Variants in ROBO1 observed in about 807,000 individuals in gnomAD.
ROBO1 encodes roundabout guidance receptor 1, also known as roundabout homolog 1.
In ROBO1, 149 loss-of-function variants were observed where a neutral mutation model predicts 195.9. That is an observed-to-expected ratio of 0.76 (90% CI 0.67 to 0.87). The LOEUF (loss-of-function observed/expected upper bound fraction) is 0.87, where lower values mean the gene tolerates loss of function less well. Among genes scored for constraint, ROBO1 ranks in the 40% least tolerant of loss-of-function variants. The pLI is 0.00. For synonymous variants in ROBO1, 816 were observed against 733.2 expected (o/e 1.11, Z -1.82); for missense variants, 1,933 against 2,068.3 (o/e 0.93, Z 1.27).
At chr3:79,402,902 CAGT>C (rs2037416259) in intron 2 of ROBO1, among the ~76,000 whole-genome samples, 1 of 151,836 alleles carries the variant, frequency 6.6e-6, no homozygotes, top group Admixed American at 6.6e-5. Context: ...ATTTCTTTAG[CAGT>C]GAATGGTGAA....
At chr3:79,364,056 T>TG (rs2035869877) in intron 2 of ROBO1, among the ~76,000 whole-genome samples, 1 of 151,654 alleles carries the variant, frequency 6.6e-6, no homozygotes, top group African/African-American at 2.4e-5. Flanking sequence ...TACAAAAAAT[T>TG]GGCCAGGCGT....
intron 28 of ROBO1, among the ~76,000 whole-genome samples, chr3:78,608,564 A>G (rs1703606518): frequency 2.6e-5 from 4 of 152,212 alleles, no homozygotes; most frequent in Admixed American, 6.5e-5. Flanking sequence ...AATTTAGTAG[A>G]AGAATAAGAG....
intron 8 of ROBO1, among the ~76,000 whole-genome samples, chr3:78,706,776 G>C (rs114770195): frequency 1.3e-5 from 2 of 152,168 alleles, no homozygotes; most frequent in Admixed American, 1.3e-4. Flanking sequence ...AAGAAGGCAA[G>C]GGAGGTGGTG....
intron 1 of ROBO1, among the ~76,000 whole-genome samples, chr3:79,750,628 T>C (rs894257034): frequency 6.6e-6 from 1 of 152,204 alleles, no homozygotes; most frequent in African/African-American, 2.4e-5. Context: ...TCTCCTGAGA[T>C]CTGATGGCTT....
chr3:78,770,669 G>A (rs1177680191), intron 4 of ROBO1, among the ~76,000 whole-genome samples: 2 of 152,124 alleles, frequency 1.3e-5, no homozygotes, highest in Non-Finnish European at 2.9e-5. Context: ...TGTTGCACTT[G>A]CTTTTGAGGA....
At chr3:79,049,183 C>T (rs1023985579) in intron 3 of ROBO1, among the ~76,000 whole-genome samples, 1 of 152,052 alleles carries the variant, frequency 6.6e-6, no homozygotes, top group African/African-American at 2.4e-5. Context: ...CTAGAATAAG[C>T]AGTGTAGAGA....
intron 4 of ROBO1, among the ~76,000 whole-genome samples, chr3:78,822,834 T>C (rs1249808435): frequency 6.6e-6 from 1 of 152,220 alleles, no homozygotes; most frequent in Non-Finnish European, 1.5e-5. Context: ...TAGAATATAC[T>C]TTATTCATGC....
chr3:79,163,676 T>C (rs1008227538), intron 2 of ROBO1, among the ~76,000 whole-genome samples: 1 of 152,148 alleles, frequency 6.6e-6, no homozygotes, highest in Non-Finnish European at 1.5e-5. Flanking sequence ...TCTGCATCCT[T>C]GCCAACACTT....
chr3:79,162,399 G>A (rs2080985095), intron 2 of ROBO1, among the ~76,000 whole-genome samples: 1 of 152,090 alleles, frequency 6.6e-6, no homozygotes, highest in Admixed American at 6.6e-5. Flanking sequence ...CCTACATGTG[G>A]TAAGGAAATA....
chr3:79,079,877 G>A (rs553222169), intron 3 of ROBO1, among the ~76,000 whole-genome samples: 1 of 151,746 alleles, frequency 6.6e-6, no homozygotes, highest in African/African-American at 2.4e-5. Flanking sequence ...CTTAAAGAAT[G>A]GTCAGAACTG....
intron 1 of ROBO1, among the ~76,000 whole-genome samples, chr3:79,614,829 T>G (rs541492792): frequency 0.02 from 2,983 of 151,946 alleles, 108 homozygotes; most frequent in African/African-American, 0.069. Context: ...ATTAAAAATA[T>G]AAATAAAGAG....
rs550526568 is a variant in ROBO1, at chr3:79,665,894, T to A, written c.-50-75933A>T. 5.3e-5 allele frequency among the ~76,000 whole-genome samples: 8 copies of A among 152,008 alleles called. No individual in the cohort carries two copies. In the South Asian group the frequency reaches 8.3e-4, roughly 16 times the overall value. Reference sequence around the variant, plus strand: ...AGGAGTAGGTAGGCTGAAGGAATCATCACTGTTGGGACAGTGAAAGATGAT... The same window carrying A: ...AGGAGTAGGTAGGCTGAAGGAATCAACACTGTTGGGACAGTGAAAGATGAT... On this transcript the variant is annotated intron_variant, in intron 1 of 30. Coordinates refer to ENST00000464233, the MANE Select transcript of ROBO1 (RefSeq NM_002941.4).
chr3:79,091,612 G>A (rs767805901), intron 3 of ROBO1, among the ~76,000 whole-genome samples: 50 of 152,066 alleles, frequency 3.3e-4, no homozygotes, highest in African/African-American at 8.2e-4. Context: ...AAGAAAAATA[G>A]TATGCTATAC....
chr3:79,295,246 T>C (rs2032518083), intron 2 of ROBO1, among the ~76,000 whole-genome samples: 2 of 152,294 alleles, frequency 1.3e-5, no homozygotes, highest in East Asian at 1.9e-4. Context: ...GGCATATATA[T>C]GCCACGGAAT....
At chr3:78,979,820 CACAA>C (rs2076954488) in intron 3 of ROBO1, among the ~76,000 whole-genome samples, 1 of 150,436 alleles carries the variant, frequency 6.6e-6, no homozygotes. Context: ...TGAATACACA[CACAA>C]ACACACACAC....
chr3:79,575,128 AAT>A (rs1391437554), intron 2 of ROBO1, among the ~76,000 whole-genome samples: 2 of 67,890 alleles, frequency 2.9e-5, no homozygotes, highest in Non-Finnish European at 5.6e-5. Context: ...TATATATATA[AAT>A]ATATATAACA....
intron 3 of ROBO1, among the ~76,000 whole-genome samples, chr3:79,043,409 T>A (rs778293830): frequency 1.8e-4 from 28 of 152,048 alleles, no homozygotes; most frequent in Non-Finnish European, 4.0e-4. Context: ...AAATGATCCA[T>A]CTGTTTATTG....
chr3:78,812,312 C>T (rs771264085), intron 4 of ROBO1, among the ~76,000 whole-genome samples: 29 of 152,146 alleles, frequency 1.9e-4, no homozygotes, highest in Non-Finnish European at 3.4e-4. Flanking sequence ...GCCTCTCTCA[C>T]TTCTTTTAAT....
chr3:79,203,623 G>C (rs2081809489), intron 2 of ROBO1, among the ~76,000 whole-genome samples: 1 of 152,132 alleles, frequency 6.6e-6, no homozygotes, highest in Non-Finnish European at 1.5e-5. Context: ...ATATGAGCAG[G>C]CTTACTGTTT....
Sources: allele counts gnomAD v4.1 joint callset (sites outside exome capture counted in the v4.1 genomes callset), GRCh38; gene constraint gnomAD v4.1.1; transcripts MANE v1.5; gene names NCBI Gene and HGNC (gene_info 2026-07-23, HGNC 2026-07-21).